The following LARGE1 variants were observed in gnomAD, a reference collection of about 807,000 sequenced individuals.
The protein encoded by LARGE1 is xylosyl- and glucuronyltransferase LARGE1.
In LARGE1, 43 loss-of-function variants were observed where a neutral mutation model predicts 87.6. The ratio of observed to expected loss-of-function variants is 0.49; its 90% CI spans 0.38 to 0.63. The LOEUF is 0.63. LARGE1 is among the 30% of genes least tolerant of loss of function. The probability of loss-of-function intolerance (pLI) is 0.00; values close to 1 mark genes in which losing one functional copy is unlikely to be tolerated. For missense variants in LARGE1, 802 were observed against 1,000.2 expected (o/e 0.80, Z 2.67); for synonymous variants, 434 against 394.6 (o/e 1.10, Z -1.18).
At chr22:33,549,121 A>G (rs537645202) in intron 6 of LARGE1, among the ~76,000 whole-genome samples, 1 of 152,240 alleles carries the variant, frequency 6.6e-6, no homozygotes, top group East Asian at 1.9e-4. Context: ...ATTCATTTCA[A>G]TAAGGACCCT....
intron 5 of LARGE1, among the ~76,000 whole-genome samples, chr22:33,580,571 G>C (rs1184873906): frequency 6.6e-6 from 1 of 152,152 alleles, no homozygotes; most frequent in Non-Finnish European, 1.5e-5. Flanking sequence ...CGAGACGCTA[G>C]TCCTTTACCA....
At chr22:33,318,817 C>G (rs534075065) in intron 10 of LARGE1, among the ~76,000 whole-genome samples, 1 of 151,858 alleles carries the variant, frequency 6.6e-6, no homozygotes, top group African/African-American at 2.4e-5. Flanking sequence ...GTTAAATCAG[C>G]CTTGTCTATC....
At chr22:33,904,506 A>T (rs55833428) in intron 1 of LARGE1, among the ~76,000 whole-genome samples, 7,466 of 152,188 alleles carry the variant, frequency 0.049, 628 homozygotes, top group African/African-American at 0.17. Flanking sequence ...TCCCTCAGCT[A>T]CGATGGTGGG....
At chr22:33,498,541 C>T (rs1458712518) in intron 6 of LARGE1, among the ~76,000 whole-genome samples, 1 of 152,214 alleles carries the variant, frequency 6.6e-6, no homozygotes, top group Non-Finnish European at 1.5e-5. Context: ...ACATACTCTT[C>T]TAAACACCTA....
At chr22:33,609,239 C>T (rs73168578) in intron 4 of LARGE1, among the ~76,000 whole-genome samples, 3,962 of 152,278 alleles carry the variant, frequency 0.026, 62 homozygotes, top group Non-Finnish European at 0.038. Flanking sequence ...ACTCCACAAA[C>T]GTCAGAACAT....
chr22:33,392,627 C>T (rs572363063), intron 7 of LARGE1, among the ~76,000 whole-genome samples: 2 of 152,044 alleles, frequency 1.3e-5, no homozygotes, highest in Admixed American at 1.3e-4. Flanking sequence ...CCACTGTACT[C>T]CCGCCTGGGC....
chr22:33,181,503 G>A (rs191660206), intron 11 of LARGE1, among the ~76,000 whole-genome samples: 5 of 151,642 alleles, frequency 3.3e-5, no homozygotes, highest in Admixed American at 2.6e-4. Flanking sequence ...CTTCACGTGA[G>A]CACATTGTTA....
intron 5 of LARGE1, among the ~76,000 whole-genome samples, chr22:33,570,972 G>A (rs2078183638): frequency 6.6e-6 from 1 of 152,126 alleles, no homozygotes; most frequent in African/African-American, 2.4e-5. Flanking sequence ...ACCCCATAGA[G>A]AAGTCAACAC....
chr22:33,109,339 G>A, the LARGE1 span: 1 of 152,000 alleles, frequency 6.6e-6, no homozygotes, highest in Admixed American at 6.6e-5. Context: ...TTAACAGACA[G>A]GATCTGGCTC....
intron 1 of LARGE1, among the ~76,000 whole-genome samples, chr22:33,860,120 T>A (rs12159435): frequency 0.21 from 31,621 of 152,056 alleles, 4,068 homozygotes; most frequent in East Asian, 0.33. Context: ...CTTATGTGTA[T>A]TTTACAATTA....
intron 1 of LARGE1, among the ~76,000 whole-genome samples, chr22:33,820,834 C>T (rs771982254): frequency 6.6e-6 from 1 of 152,142 alleles, no homozygotes; most frequent in Non-Finnish European, 1.5e-5. Context: ...GTCCCTGCTG[C>T]TGCTCAGGAG....
At chr22:33,449,541 C>T (rs897260888) in intron 6 of LARGE1, among the ~76,000 whole-genome samples, 14 of 152,192 alleles carry the variant, frequency 9.2e-5, no homozygotes, top group African/African-American at 3.1e-4. Context: ...GTATGTACTG[C>T]CAGTTCATTA....
chr22:33,174,617 G>A (rs1356825040), intron 11 of LARGE1, among the ~76,000 whole-genome samples: 1 of 152,094 alleles, frequency 6.6e-6, no homozygotes, highest in African/African-American at 2.4e-5. Context: ...AAGAAGGAAA[G>A]AGAGAAGAAT....
chr22:33,597,914 C>G (rs543223305), intron 5 of LARGE1, among the ~76,000 whole-genome samples: 21 of 152,258 alleles, frequency 1.4e-4, no homozygotes, highest in African/African-American at 4.6e-4. Context: ...TAGTTTAGAA[C>G]AGGATCCTTG....
chr22:33,570,945 C>A (rs2078182087), intron 5 of LARGE1, among the ~76,000 whole-genome samples: 1 of 152,104 alleles, frequency 6.6e-6, no homozygotes, highest in Admixed American at 6.6e-5. Flanking sequence ...GGGCACCAGG[C>A]AAATTTTCCC....
Position 33,317,974 on chromosome 22 carries a change from C to T in LARGE1, c.1288-1726G>A, listed in dbSNP as rs537858869. 7.3e-5 allele frequency among the ~76,000 whole-genome samples: 11 copies of T among 151,632 alleles called. No individual in the cohort carries two copies. In the East Asian group the frequency reaches 1.8e-3, roughly 24 times the overall value. On this transcript the variant is annotated intron_variant, in intron 10 of 14. Coordinates refer to ENST00000397394, the MANE Select transcript of LARGE1 (RefSeq NM_133642.5). Reference sequence around the variant, plus strand: ...GGACTTGGCCAGGCACGGTGGCTCACGCCTGTAATCCCAGCACTTTGGGAG... The same window carrying T: ...GGACTTGGCCAGGCACGGTGGCTCATGCCTGTAATCCCAGCACTTTGGGAG...
At chr22:33,847,783 C>A (rs886311859) in intron 1 of LARGE1, among the ~76,000 whole-genome samples, 1 of 152,224 alleles carries the variant, frequency 6.6e-6, no homozygotes, top group African/African-American at 2.4e-5. Context: ...CCATTTCTCA[C>A]TTTGTGTTGT....
intron 1 of LARGE1, among the ~76,000 whole-genome samples, chr22:33,832,924 C>T (rs1027881897): frequency 1.3e-5 from 2 of 152,326 alleles, no homozygotes; most frequent in South Asian, 2.1e-4. Context: ...CTGGCAGGCA[C>T]TACGGGCCCA....
intron 11 of LARGE1, among the ~76,000 whole-genome samples, chr22:33,237,306 A>G (rs141830202): frequency 8.5e-5 from 13 of 152,366 alleles, no homozygotes; most frequent in African/African-American, 3.1e-4. Context: ...CATGGTAAGA[A>G]ACACAAGTTG....
Sources: allele counts gnomAD v4.1 joint callset (sites outside exome capture counted in the v4.1 genomes callset), GRCh38; gene constraint gnomAD v4.1.1; transcripts MANE v1.5; gene names NCBI Gene and HGNC (gene_info 2026-07-23, HGNC 2026-07-21).